The following USP49 variants were observed in gnomAD, a reference collection of about 807,000 sequenced individuals.
USP49 encodes ubiquitin carboxyl-terminal hydrolase 49.
Under a neutral mutation model 58.6 loss-of-function variants are expected in USP49, and 24 were observed. That is an observed-to-expected ratio of 0.41 (90% confidence interval 0.30 to 0.58). The LOEUF (loss-of-function observed/expected upper bound fraction) is 0.58. Ranked by LOEUF, USP49 falls within the 20% of genes least tolerant of loss-of-function variation. The pLI, the probability that USP49 is intolerant of heterozygous loss-of-function variation, is 0.30. For synonymous variants in USP49, 408 were observed against 365.1 expected, an observed-to-expected ratio of 1.12 and a Z score of -1.34; for missense variants, 703 against 866.1, an observed-to-expected ratio of 0.81 and a Z score of 2.36.
chr6:41,798,667 T>C, intron 7 of USP49, 57 bp downstream of exon 7: 2 of 1,612,828 alleles, frequency 1.2e-6, no homozygotes, highest in South Asian at 1.1e-5. Context: ...AACAATAAAA[T>C]GTGGACAAAT....
In USP49 at chr6:41,806,419, G is replaced by C. The variant is rs1466740375; in HGVS notation, c.565C>G (p.Arg189Gly). Reference protein sequence around the residue: ...ERKKEEARRRRREVKRRLLEE... With the variant: ...ERKKEEARRRGREVKRRLLEE... The stretch of plus-strand genomic sequence containing the variant: ...AGCAGCCGCCGTTTCACCTCGCGCC[G>C]CCGCCTCCGCGCCTCCTCCTTCTTG... The change falls in exon 4 of 8, where the codon CGG becomes GGG. Residue 189 changes from arginine (R) to glycine (G), a missense_variant. Physicochemically the swap from Arg to Gly is moderately radical, Grantham distance 125. Coordinates refer to ENST00000682992, the MANE Select transcript of USP49 (RefSeq NM_001286554.2). The surrounding 1 kb of genome is among the most constrained non-coding windows in gnomAD (Gnocchi z 5.9). The C allele has an allele frequency of 1.9e-6, 3 of 1,574,026 alleles. No individual in the cohort carries two copies. In the South Asian group the frequency reaches 3.4e-5, roughly 18 times the overall value.
chr6:41,818,885 T>C (rs187229397), intron 3 of USP49, among the ~76,000 whole-genome samples: 19 of 152,212 alleles, frequency 1.2e-4, no homozygotes, highest in East Asian at 7.7e-4. Context: ...CAATGGCACA[T>C]AGATCAGCTC....
Position 41,798,730 on chromosome 6 carries a change from C to A in USP49, c.1870G>T (p.Glu624Ter). ...GHYTAYCYNT[E>*]GGFWVHCNDS... ...CAGAGTAAAGCGCACGCACCTCCCT[C>A]TGTGTTGTAGCAATAGGCTGTGTAG... Residue 624 changes from glutamate to a stop codon, truncating the protein, a stop_gained, in exon 7 of 8, where the codon GAG (glutamate) becomes TAG (stop). Coordinates refer to ENST00000682992, the MANE Select transcript of USP49 (RefSeq NM_001286554.2). LOFTEE classifies it high-confidence loss of function. 6.2e-7 allele frequency: 1 copy of A among 1,614,170 alleles called. No homozygotes were observed.
At chr6:41,797,512 C>T in intron 7 of USP49, 3 of 511,146 alleles carry the variant, frequency 5.9e-6, no homozygotes, top group Non-Finnish European at 7.6e-6. Context: ...AACACATCTG[C>T]AGCCCATCAG....
chr6:41,849,486 G>A (rs1290918491), intron 3 of USP49, among the ~76,000 whole-genome samples: 2 of 152,132 alleles, frequency 1.3e-5, no homozygotes, highest in African/African-American at 4.8e-5. Context: ...CCTAACAACA[G>A]CAGAATATAC....
chr6:41,833,368 A>G (rs531291761), intron 3 of USP49, among the ~76,000 whole-genome samples: 1 of 152,268 alleles, frequency 6.6e-6, no homozygotes, highest in South Asian at 2.1e-4. Context: ...TCAGATTCAT[A>G]TAGTCTTCAA....
At chr6:41,835,903 C>T (rs145013856) in intron 3 of USP49, among the ~76,000 whole-genome samples, 49 of 151,962 alleles carry the variant, frequency 3.2e-4, no homozygotes, top group African/African-American at 1.1e-3. Context: ...GTGAGACCAT[C>T]TCTACAAAAA....
chr6:41,802,464 A>ATTTTT (rs1272102736), intron 5 of USP49, among the ~76,000 whole-genome samples: 3 of 73,692 alleles, frequency 4.1e-5, no homozygotes, highest in African/African-American at 1.1e-4. Context: ...TTATTTATTT[A>ATTTTT]TTTATTTTTT....
At chr6:41,804,958 G>C (rs948569203) in intron 4 of USP49, among the ~76,000 whole-genome samples, 8 of 152,160 alleles carry the variant, frequency 5.3e-5, no homozygotes, top group Non-Finnish European at 1.0e-4. Flanking sequence ...ATGTTGGCCA[G>C]GCTGGTCTCT....
chr6:41,869,755 T>C (rs1031029085), intron 3 of USP49: 1 of 151,438 alleles, frequency 6.6e-6, no homozygotes, highest in Non-Finnish European at 1.5e-5. Context: ...AGGCATGTCC[T>C]TCAAAATAGA....
At chr6:41,797,358 A>G (rs1772905342) in intron 7 of USP49, among the ~76,000 whole-genome samples, 1 of 152,062 alleles carries the variant, frequency 6.6e-6, no homozygotes, top group Admixed American at 6.6e-5. Flanking sequence ...AGCAATGGGG[A>G]GATGAGGAGG....
chr6:41,814,288 A>C (rs1773310880), intron 3 of USP49, among the ~76,000 whole-genome samples: 1 of 152,260 alleles, frequency 6.6e-6, no homozygotes, highest in African/African-American at 2.4e-5. Flanking sequence ...TTATTTTAAA[A>C]ATCTGAATCA....
chr6:41,857,314 C>T (rs537773469), intron 3 of USP49, among the ~76,000 whole-genome samples: 2 of 152,138 alleles, frequency 1.3e-5, no homozygotes, highest in Non-Finnish European at 2.9e-5. Context: ...CTCCTTTCAG[C>T]GTATTATCTC....
At chr6:41,813,500 CA>C (rs1264239323) in intron 3 of USP49, among the ~76,000 whole-genome samples, 1 of 152,104 alleles carries the variant, frequency 6.6e-6, no homozygotes, top group African/African-American at 2.4e-5. Context: ...AAGAGAAGAA[CA>C]CTAAAAAACC....
chr6:41,793,030 G>A lies in USP49; in HGVS notation c.*3503C>T, dbSNP rs1413164360. ...CTCTCTAGGGCTTATGCTGGGGCAT[G>A]CCCCACTGTCAGCCAATCCACCTCA... On this transcript the variant is annotated 3_prime_UTR_variant, in exon 8 of 8. Transcript: ENST00000682992. The A allele has an allele frequency of 1.4e-5, 2 of 145,878 alleles. No homozygotes were observed. Among genetic ancestry groups the A allele is most frequent in the Non-Finnish European group, 3.0e-5 (2 of 67,440 alleles). The allele number at this position is 145,878 out of a possible 1,614,324, so 9.0% of individuals were successfully genotyped here.
intron 3 of USP49, among the ~76,000 whole-genome samples, chr6:41,828,229 G>A (rs1773575365): frequency 2.0e-5 from 3 of 152,048 alleles, no homozygotes; most frequent in Admixed American, 6.6e-5. Flanking sequence ...CAGATCACAA[G>A]GTCAGGAGAT....
intron 3 of USP49, among the ~76,000 whole-genome samples, chr6:41,870,727 T>C (rs982764070): frequency 6.8e-6 from 1 of 147,464 alleles, no homozygotes; most frequent in Non-Finnish European, 1.5e-5. Flanking sequence ...GGTCTTGCTA[T>C]ATTGCCCAGG....
At chr6:41,890,947 T>C (rs1170341023) in intron 2 of USP49, among the ~76,000 whole-genome samples, 1 of 152,206 alleles carries the variant, frequency 6.6e-6, no homozygotes, top group African/African-American at 2.4e-5. Flanking sequence ...CATTTTTTAC[T>C]GGTTTGGGTT....
intron 3 of USP49, among the ~76,000 whole-genome samples, chr6:41,817,584 C>T (rs978352523): frequency 3.3e-5 from 5 of 151,582 alleles, no homozygotes; most frequent in South Asian, 2.1e-4. Flanking sequence ...CTCAGCCTCC[C>T]GAGTAGCTGG....
Sources: gnomAD v4.1 joint callset for allele counts (sites outside exome capture counted in the v4.1 genomes callset) on GRCh38, gnomAD v4.1.1 for gene constraint, Gnocchi (gnomAD v3.1) non-coding constraint, MANE v1.5 for transcripts, NCBI Gene and HGNC (gene_info 2026-07-23, HGNC 2026-07-21) for gene names.